Variants in TENM1 observed in about 807,000 individuals in gnomAD.
The protein encoded by TENM1 is teneurin transmembrane protein 1, also known as teneurin-1.
TENM1 carries 35 observed loss-of-function variants against 174.8 expected under a neutral mutation model. The observed-to-expected ratio is 0.20, with a 90% CI of 0.15 to 0.27. The LOEUF is 0.27. Ranked by LOEUF, TENM1 falls within the 10% of genes least tolerant of loss-of-function variation. The pLI, the probability that TENM1 is intolerant of heterozygous loss-of-function variation, is 1.00. For missense variants in TENM1, 1,633 were observed against 2,130.1 expected, an observed-to-expected ratio of 0.77 and a Z score of 4.59; for synonymous variants, 781 against 798.7, an observed-to-expected ratio of 0.98 and a Z score of 0.37.
intron 18 of TENM1, among the ~76,000 whole-genome samples, chrX:124,518,357 G>A (rs1392833329): frequency 1.0e-5 from 1 of 99,472 alleles, no homozygotes; most frequent in Non-Finnish European, 2.0e-5. Context: ...GCCTCTCAGA[G>A]CACAGAGAAG....
the TENM1 span, among the ~76,000 whole-genome samples, chrX:125,134,559 G>A: frequency 8.9e-6 from 1 of 111,796 alleles, no homozygotes; most frequent in Non-Finnish European, 1.9e-5. Flanking sequence ...TCAACCACTA[G>A]TTTCCCCGAA....
the TENM1 span, among the ~76,000 whole-genome samples, chrX:125,075,889 T>C: frequency 1.8e-5 from 1 of 56,065 alleles, no homozygotes; most frequent in Non-Finnish European, 2.7e-5. Context: ...CCATGTGTCT[T>C]CCTTTTGTCA....
chrX:124,892,843 A>C (rs1307936039), intron 3 of TENM1, among the ~76,000 whole-genome samples: 1 of 112,378 alleles, frequency 8.9e-6, no homozygotes, highest in Non-Finnish European at 1.9e-5. Flanking sequence ...ACATATACAT[A>C]AAAAATATTC....
At chrX:124,631,791 T>C (rs772539343) in intron 11 of TENM1, among the ~76,000 whole-genome samples, 199 of 106,050 alleles carry the variant, frequency 1.9e-3, no homozygotes, top group African/African-American at 6.3e-3. Context: ...TCCCAGCTAC[T>C]TGGGAGGCTG....
chrX:124,866,577 A>AAATTT (rs2057011665), intron 3 of TENM1, among the ~76,000 whole-genome samples: 1 of 111,451 alleles, frequency 9.0e-6, no homozygotes, highest in Admixed American at 9.5e-5. Flanking sequence ...CAAATTAACA[A>AAATTT]TCTAACCATG....
chrX:125,000,770 G>A, the TENM1 span, among the ~76,000 whole-genome samples: 1 of 111,165 alleles, frequency 9.0e-6, no homozygotes, highest in African/African-American at 3.3e-5. Flanking sequence ...GATATCTTCT[G>A]AAATAAAATC....
chrX:124,883,504 G>A (rs1266951439), intron 3 of TENM1, among the ~76,000 whole-genome samples: 1 of 112,343 alleles, frequency 8.9e-6, no homozygotes, highest in African/African-American at 3.2e-5. Flanking sequence ...GTGCATGCTG[G>A]CACCAGTCTT....
intron 3 of TENM1, among the ~76,000 whole-genome samples, chrX:124,868,962 C>G (rs1196487693): frequency 9.2e-6 from 1 of 108,724 alleles, no homozygotes; most frequent in Non-Finnish European, 1.9e-5. Context: ...TGGTGGCTCA[C>G]GCCTGTAATC....
At chrX:124,396,265 T>C (rs1446080733) in intron 27 of TENM1, among the ~76,000 whole-genome samples, 2 of 105,040 alleles carry the variant, frequency 1.9e-5, no homozygotes, top group African/African-American at 7.0e-5. Context: ...GTGAGAAGCC[T>C]GGCAAAGAGA....
exon 30 of TENM1, chrX:124,383,747 G>A: frequency 1.7e-6 from 2 of 1,210,680 alleles, no homozygotes; most frequent in South Asian, 1.8e-5. Flanking sequence ...GTGATGATTA[G>A]GCGTTGTCCA....
intron 4 of TENM1, among the ~76,000 whole-genome samples, chrX:124,706,431 C>T (rs1569403773): frequency 1.8e-5 from 2 of 111,933 alleles, no homozygotes; most frequent in African/African-American, 6.5e-5. Flanking sequence ...CCCATCAAGA[C>T]AAGAAGTTCT....
intron 15 of TENM1, among the ~76,000 whole-genome samples, chrX:124,535,546 T>C (rs2080246891): frequency 8.9e-6 from 1 of 111,759 alleles, no homozygotes; most frequent in African/African-American, 3.2e-5. Context: ...AATGGAAATA[T>C]GTTTTAGTCC....
intron 11 of TENM1, among the ~76,000 whole-genome samples, chrX:124,568,408 G>T (rs956118122): frequency 1.8e-5 from 2 of 111,649 alleles, no homozygotes; most frequent in African/African-American, 3.3e-5. Flanking sequence ...TGACAAAGAA[G>T]TACTGACTAT....
exon 4 of TENM1, chrX:124,737,055 C>T (rs1367801427): frequency 1.7e-6 from 2 of 1,211,281 alleles, no homozygotes; most frequent in South Asian, 3.5e-5. Context: ...CTGGGCTGGG[C>T]TGGCTGCGGG....
the TENM1 span, among the ~76,000 whole-genome samples, chrX:124,979,974 A>G: frequency 8.9e-6 from 1 of 112,172 alleles, no homozygotes; most frequent in Non-Finnish European, 1.9e-5. Flanking sequence ...GTTCATTTTT[A>G]ATGTGCAATA....
intron 23 of TENM1, among the ~76,000 whole-genome samples, chrX:124,444,187 G>A (rs886819652): frequency 1.8e-5 from 2 of 111,653 alleles, no homozygotes; most frequent in South Asian, 3.7e-4. Flanking sequence ...ATACATAGGC[G>A]ACACAAGGCT....
chrX:124,424,223 C>T lies in TENM1; in HGVS notation c.4105-1585G>A, dbSNP rs749741416. Among the ~76,000 whole-genome samples the T allele has an allele frequency of 3.6e-5, 4 of 111,654 alleles. No homozygotes were observed. The East Asian group carries it at 8.4e-4, about 24-fold the overall frequency. On this transcript the variant is annotated intron_variant, in intron 23 of 31. Transcript: ENST00000422452. Reference sequence around the variant, plus strand: ...AGGTGCTCTGGTTTGAATGTGTCCCCCAAATATCATGTGTTGGAAACTTAA... The same window carrying T: ...AGGTGCTCTGGTTTGAATGTGTCCCTCAAATATCATGTGTTGGAAACTTAA...
chrX:124,910,205 C>T (rs2057813149), intron 1 of TENM1, among the ~76,000 whole-genome samples: 1 of 112,264 alleles, frequency 8.9e-6, no homozygotes, highest in Admixed American at 9.4e-5. Context: ...TTTCCAAAAC[C>T]TCTCAAAGCT....
chrX:124,384,985 T>C lies in TENM1; in HGVS notation c.6077-131A>G, dbSNP rs988020623. ...TACAATATTAGAGACTGATCTCTGA[T>C]ATCAAATGCCTGGGCATATTACCTC... is the stretch of plus-strand genomic sequence containing the variant. On this transcript the variant is annotated intron_variant, in intron 29 of 31. Coordinates refer to ENST00000422452, the Ensembl canonical transcript of TENM1. 9.2e-6 allele frequency: 5 copies of C among 545,580 alleles called. No individual in the cohort carries two copies. The African/African-American group carries it at 1.2e-4, about 13-fold the overall frequency. 45.0% of individuals were successfully genotyped at this position (545,580 alleles called of 1,213,427 possible).
Sources: allele counts gnomAD v4.1 joint callset (sites outside exome capture counted in the v4.1 genomes callset), GRCh38; gene constraint gnomAD v4.1.1; transcripts MANE v1.5; gene names NCBI Gene and HGNC (gene_info 2026-07-23, HGNC 2026-07-21).